Variants in ARHGAP28 observed in about 807,000 individuals in gnomAD.
ARHGAP28 encodes Rho GTPase activating protein 28, also known as rho GTPase-activating protein 28.
ARHGAP28 carries 56 observed loss-of-function variants against 90.7 expected under a neutral mutation model. The observed-to-expected ratio is 0.62, with a 90% CI of 0.50 to 0.77. The LOEUF (loss-of-function observed/expected upper bound fraction) is 0.77. Among genes scored for constraint, ARHGAP28 ranks in the 30% least tolerant of loss-of-function variants. The pLI is 0.00. For synonymous variants in ARHGAP28, 308 were observed against 323.3 expected, an observed-to-expected ratio of 0.95 and a Z score of 0.51; for missense variants, 869 against 900.9, an observed-to-expected ratio of 0.96 and a Z score of 0.45.
intron 16 of ARHGAP28, among the ~76,000 whole-genome samples, chr18:6,901,540 T>TAAAA (rs57305269): frequency 7.5e-6 from 1 of 132,502 alleles, no homozygotes. Context: ...CTTGATATGA[T>TAAAA]AAAAAAAAAA....
At chr18:6,737,368 ATATTGG>A (rs2055937758) in intron 1 of ARHGAP28, among the ~76,000 whole-genome samples, 2 of 152,186 alleles carry the variant, frequency 1.3e-5, no homozygotes, top group African/African-American at 4.8e-5. Context: ...TAAATAGTCT[ATATTGG>A]TATATTGTTT....
In ARHGAP28 at chr18:6,729,811, C is replaced by T; in HGVS notation, c.-11C>T. Reference sequence around the variant, plus strand: ...GTTCTGGGGCCGGCGCCGAGACATGCGCGGCTGACGATGGAGGTGGAGGAC... The same window carrying T: ...GTTCTGGGGCCGGCGCCGAGACATGTGCGGCTGACGATGGAGGTGGAGGAC... On this transcript the variant is annotated 5_prime_UTR_variant, in exon 1 of 18. Coordinates refer to ENST00000383472, the MANE Select transcript of ARHGAP28 (RefSeq NM_001366230.1). 1.4e-6 allele frequency: 2 copies of T among 1,400,888 alleles called. No homozygotes were observed. Among genetic ancestry groups the T allele is most frequent in the Middle Eastern group, 2.3e-4 (1 of 4,278 alleles). The allele number at this position is 1,400,888 out of a possible 1,614,324, so 86.8% of individuals were successfully genotyped here.
intron 17 of ARHGAP28, among the ~76,000 whole-genome samples, chr18:6,910,040 A>G (rs566469474): frequency 6.6e-5 from 10 of 151,794 alleles, no homozygotes; most frequent in Admixed American, 3.3e-4. Context: ...CTACGCTCCA[A>G]TTTCTTCCTC....
At chr18:6,785,565 T>G (rs944684561) in intron 1 of ARHGAP28, among the ~76,000 whole-genome samples, 3 of 152,230 alleles carry the variant, frequency 2.0e-5, no homozygotes, top group African/African-American at 4.8e-5. Context: ...TGGATTGGCA[T>G]CTGTGCATAC....
At position 6,845,253 on chromosome 18, in the gene ARHGAP28, A is replaced by T. The variant is rs552303435; in HGVS notation, c.544-5781A>T. 8.5e-5 allele frequency among the ~76,000 whole-genome samples: 13 copies of T among 152,074 alleles called. No individual in the cohort carries two copies. The South Asian group carries it at 2.1e-3, about 24-fold the overall frequency. On this transcript the variant is annotated intron_variant, in intron 3 of 17. Coordinates refer to ENST00000383472, the MANE Select transcript of ARHGAP28 (RefSeq NM_001366230.1). ...ATTGCCATGCCCAGCTAATTTTTAA[A>T]TTTTTTATAGAGATGAGGTCTCATT... is the stretch of plus-strand genomic sequence containing the variant.
chr18:6,849,490 T>C (rs1389796767), intron 3 of ARHGAP28, among the ~76,000 whole-genome samples: 1 of 150,404 alleles, frequency 6.6e-6, no homozygotes, highest in Non-Finnish European at 1.5e-5. Context: ...TAATCACATA[T>C]ATTACAGAAT....
At chr18:6,811,391 G>A (rs543480852) in intron 1 of ARHGAP28, among the ~76,000 whole-genome samples, 42 of 152,274 alleles carry the variant, frequency 2.8e-4, no homozygotes, top group African/African-American at 9.1e-4. Context: ...TGAATTTGCC[G>A]ATTGTCATGC....
intron 2 of ARHGAP28, among the ~76,000 whole-genome samples, chr18:6,835,881 G>T (rs1017650476): frequency 6.6e-6 from 1 of 151,826 alleles, no homozygotes; most frequent in African/African-American, 2.4e-5. Context: ...ATCCTCATAG[G>T]CACCTAATCC....
chr18:6,741,942 G>A (rs1302926512), intron 1 of ARHGAP28, among the ~76,000 whole-genome samples: 1 of 152,064 alleles, frequency 6.6e-6, no homozygotes, highest in African/African-American at 2.4e-5. Flanking sequence ...TATAAAAGAT[G>A]GTTTTAAAGT....
chr18:6,796,829 T>C (rs9951396), intron 1 of ARHGAP28, among the ~76,000 whole-genome samples: 38,349 of 151,988 alleles, frequency 0.25, 6,526 homozygotes, highest in African/African-American at 0.49. Flanking sequence ...TGTACACACA[T>C]ACACACACTT....
intron 4 of ARHGAP28, among the ~76,000 whole-genome samples, chr18:6,852,158 A>G (rs1278491429): frequency 6.6e-6 from 1 of 152,256 alleles, no homozygotes; most frequent in Non-Finnish European, 1.5e-5. Context: ...TACTTACAAT[A>G]AACAGTCTAT....
At chr18:6,833,048 G>T (rs1220261690) in intron 2 of ARHGAP28, among the ~76,000 whole-genome samples, 1 of 151,938 alleles carries the variant, frequency 6.6e-6, no homozygotes, top group East Asian at 1.9e-4. Context: ...ATACATCAAT[G>T]CAATGTTGTC....
intron 1 of ARHGAP28, among the ~76,000 whole-genome samples, chr18:6,806,587 G>C (rs1218108366): frequency 2.6e-5 from 4 of 151,678 alleles, no homozygotes; most frequent in Non-Finnish European, 5.9e-5. Flanking sequence ...CTTCTCCCTT[G>C]CAGGCCTTTC....
At chr18:6,775,607 T>A (rs2056277586) in intron 1 of ARHGAP28, among the ~76,000 whole-genome samples, 1 of 152,184 alleles carries the variant, frequency 6.6e-6, no homozygotes. Flanking sequence ...GGATGTGACA[T>A]TCGCTGGATG....
At position 6,769,052 on chromosome 18, in the gene ARHGAP28, G is replaced by A. The variant is rs151071461; in HGVS notation, c.122+39109G>A. ...TTCAGCTTTTATAAATATTCTGGGTGTTTCCTTCTAGACATTAAGGTAGCC... is the reference window on the plus strand; with the variant it reads ...TTCAGCTTTTATAAATATTCTGGGTATTTCCTTCTAGACATTAAGGTAGCC... On this transcript the variant is annotated intron_variant, in intron 1 of 17. Coordinates refer to ENST00000383472, the MANE Select transcript of ARHGAP28 (RefSeq NM_001366230.1). Among the ~76,000 whole-genome samples the A allele has an allele frequency of 1.2e-4, 18 of 152,240 alleles. No individual in the cohort carries two copies. In the East Asian group the frequency reaches 3.5e-3, roughly 29 times the overall value.
At chr18:6,872,085 A>G in intron 7 of ARHGAP28, among the ~76,000 whole-genome samples, 1 of 152,280 alleles carries the variant, frequency 6.6e-6, no homozygotes, top group South Asian at 2.1e-4. Context: ...TCGAGGGAAA[A>G]GAGAGAAGCC....
intron 1 of ARHGAP28, among the ~76,000 whole-genome samples, chr18:6,779,587 G>T (rs566528431): frequency 6.6e-6 from 1 of 152,152 alleles, no homozygotes; most frequent in African/African-American, 2.4e-5. Context: ...GGTATACCCC[G>T]ATCTCCTTAA....
At chr18:6,891,000 A>G (rs898276256) in intron 14 of ARHGAP28, among the ~76,000 whole-genome samples, 2 of 152,208 alleles carry the variant, frequency 1.3e-5, no homozygotes, top group Non-Finnish European at 2.9e-5. Context: ...TTTTGTTTTA[A>G]CACAGTTATT....
chr18:6,801,609 CT>C (rs1156308150), intron 1 of ARHGAP28, among the ~76,000 whole-genome samples: 2 of 151,684 alleles, frequency 1.3e-5, no homozygotes, highest in Admixed American at 6.6e-5. Context: ...GAATTGACAT[CT>C]TTTTTTTAAT....
Sources: gnomAD v4.1 joint callset for allele counts (sites outside exome capture counted in the v4.1 genomes callset) on GRCh38, gnomAD v4.1.1 for gene constraint, MANE v1.5 for transcripts, NCBI Gene and HGNC (gene_info 2026-07-23, HGNC 2026-07-21) for gene names.